FGD5: variants seen among roughly 807,000 people sequenced by gnomAD.
FGD5 encodes FYVE, RhoGEF and PH domain-containing protein 5.
FGD5 carries 28 observed loss-of-function variants against 133.4 expected under a neutral mutation model. The ratio of observed to expected loss-of-function variants is 0.21; its 90% CI spans 0.16 to 0.29. The LOEUF (loss-of-function observed/expected upper bound fraction) is 0.29. FGD5 is among the 10% of genes least tolerant of loss of function. FGD5 has a pLI of 1.00. For synonymous variants in FGD5, 810 were observed against 776.5 expected (o/e 1.04, Z -0.72); for missense variants, 1,858 against 1,895.2 (o/e 0.98, Z 0.36).
chr3:14,864,288 G>A lies in FGD5; in HGVS notation c.2658+28G>A, dbSNP rs374084696. On this transcript the variant is annotated intron_variant, in intron 2 of 19. Coordinates refer to ENST00000285046, the MANE Select transcript of FGD5 (RefSeq NM_152536.4). ...AGGGCACCCCACAGGTAGGCCGTGG[G>A]CATCGGAGACGTGAGGGTGGAGAGA... 1.7e-5 allele frequency: 28 copies of A among 1,613,482 alleles called. No individual in the cohort carries two copies. The African/African-American group carries it at 3.6e-4, about 21-fold the overall frequency.
intron 4 of FGD5, among the ~76,000 whole-genome samples, chr3:14,894,633 A>T (rs1379712383): frequency 2.0e-5 from 3 of 148,646 alleles, no homozygotes; most frequent in African/African-American, 7.5e-5. Flanking sequence ...CTCCTGCCTC[A>T]GCTTCTTGAG....
intron 1 of FGD5, among the ~76,000 whole-genome samples, chr3:14,854,243 G>A (rs1025162390): frequency 4.0e-5 from 6 of 151,852 alleles, no homozygotes; most frequent in Non-Finnish European, 7.4e-5. Flanking sequence ...CCCTTTTCCC[G>A]TTTTCCCAGA....
intron 2 of FGD5, among the ~76,000 whole-genome samples, chr3:14,872,711 G>A (rs550289496): frequency 2.0e-5 from 3 of 152,344 alleles, no homozygotes; most frequent in African/African-American, 4.8e-5. Flanking sequence ...AAGCTGGGGC[G>A]GCATGAAGGC....
intron 1 of FGD5, among the ~76,000 whole-genome samples, chr3:14,847,165 G>A (rs1165557951): frequency 6.6e-6 from 1 of 152,170 alleles, no homozygotes; most frequent in Admixed American, 6.5e-5. Context: ...TCGAAGATGA[G>A]TTTTTGTGAC....
At chr3:14,829,176 C>T (rs1042702557) in intron 1 of FGD5, among the ~76,000 whole-genome samples, 4 of 151,984 alleles carry the variant, frequency 2.6e-5, no homozygotes, top group African/African-American at 7.3e-5. Flanking sequence ...TCTGGAGAGT[C>T]GAAAGGATCT....
chr3:14,844,426 G>A (rs1486424451), intron 1 of FGD5, among the ~76,000 whole-genome samples: 5 of 150,182 alleles, frequency 3.3e-5, no homozygotes, highest in South Asian at 2.1e-4. Context: ...AACTAGCTGC[G>A]TGGAAAAGTC....
At chr3:14,844,217 A>AAAAAAAAAATAT (rs1559477363) in intron 1 of FGD5, among the ~76,000 whole-genome samples, 1 of 20,380 alleles carries the variant, frequency 4.9e-5, no homozygotes, top group Non-Finnish European at 8.5e-5. Context: ...AAAAAAAAAA[A>AAAAAAAAAATAT]ATATATATAT....
intron 2 of FGD5, among the ~76,000 whole-genome samples, chr3:14,874,005 A>G (rs2636753): frequency 0.15 from 21,038 of 138,504 alleles, 1,309 homozygotes; most frequent in East Asian, 0.39. Context: ...TACAGGTGTG[A>G]GCCACTGCGC....
intron 16 of FGD5, 200 bp downstream of exon 16, chr3:14,923,375 G>T: frequency 2.9e-6 from 2 of 693,116 alleles, no homozygotes; most frequent in Non-Finnish European, 4.7e-6. Context: ...GGTGTCCCCA[G>T]AAGAAGAGCT....
chr3:14,812,387 G>T (rs116517783), intron 1 of FGD5, among the ~76,000 whole-genome samples: 1,747 of 152,230 alleles, frequency 0.011, 32 homozygotes, highest in African/African-American at 0.039. Context: ...AATAAAACTC[G>T]CTTTATAACA....
intron 11 of FGD5, among the ~76,000 whole-genome samples, chr3:14,911,907 CAT>C (rs2038456439): frequency 6.6e-6 from 1 of 151,398 alleles, no homozygotes; most frequent in African/African-American, 2.4e-5. Context: ...CTCAGTGTTT[CAT>C]ATGTTTTCTG....
chr3:14,828,720 G>A (rs752186193), intron 1 of FGD5, among the ~76,000 whole-genome samples: 7 of 152,120 alleles, frequency 4.6e-5, no homozygotes, highest in Admixed American at 4.6e-4. Flanking sequence ...TAGAGCCTAG[G>A]GTGATAAAGT....
At position 14,908,945 on chromosome 3, in the gene FGD5, TATTTATTC is replaced by T. The variant is rs1333434298; in HGVS notation, c.3336+1238_3336+1245del. On this transcript the variant is annotated intron_variant, in intron 10 of 19. Coordinates refer to ENST00000285046, the MANE Select transcript of FGD5 (RefSeq NM_152536.4). ...GAATTTATTTATTTATTTATTTATT[TATTTATTC>T]ATTCATTCATTCATTCATCCATTCA... Among the ~76,000 whole-genome samples the T allele has an allele frequency of 3.4e-4, 49 of 143,448 alleles. 1 individual carries two copies. The highest frequency in any genetic ancestry group is 1.1e-3 in the African/African-American group (46 of 40,656). The allele number at this position is 143,448 out of a possible 152,430, so 94.1% of individuals were successfully genotyped here. A position where few individuals can be genotyped will look rare whatever the true frequency, so the allele number is the denominator to read the frequency against.
chr3:14,879,278 G>A (rs971180405), intron 2 of FGD5, among the ~76,000 whole-genome samples: 1 of 152,198 alleles, frequency 6.6e-6, no homozygotes, highest in Non-Finnish European at 1.5e-5. Context: ...TGCCAGCCAC[G>A]CCTGCACATT....
At chr3:14,851,032 G>A (rs998635591) in intron 1 of FGD5, among the ~76,000 whole-genome samples, 3 of 152,172 alleles carry the variant, frequency 2.0e-5, no homozygotes, top group Non-Finnish European at 2.9e-5. Flanking sequence ...AGGGCTTCTA[G>A]TTCTAGTTCT....
chr3:14,850,067 G>T (rs1042601865), intron 1 of FGD5, among the ~76,000 whole-genome samples: 2 of 152,232 alleles, frequency 1.3e-5, no homozygotes, highest in Non-Finnish European at 2.9e-5. Context: ...ATCTCCAGCT[G>T]CTGCATCCTC....
At chr3:14,836,482 G>A (rs1271575475) in intron 1 of FGD5, among the ~76,000 whole-genome samples, 1 of 152,218 alleles carries the variant, frequency 6.6e-6, no homozygotes, top group Non-Finnish European at 1.5e-5. Context: ...GACTCCAGGA[G>A]GCCCTGAGGT....
chr3:14,870,539 C>T (rs1342156528), intron 2 of FGD5, among the ~76,000 whole-genome samples: 3 of 152,180 alleles, frequency 2.0e-5, no homozygotes, highest in Non-Finnish European at 2.9e-5. Flanking sequence ...CCTGACAGTC[C>T]TCTCCTGGTT....
chr3:14,849,851 C>T (rs1344509912), intron 1 of FGD5, among the ~76,000 whole-genome samples: 1 of 151,880 alleles, frequency 6.6e-6, no homozygotes, highest in Admixed American at 6.6e-5. Flanking sequence ...CTTAGTAAGC[C>T]CTAAAAAAAA....
Sources: gnomAD v4.1 joint callset for allele counts (sites outside exome capture counted in the v4.1 genomes callset) on GRCh38, gnomAD v4.1.1 for gene constraint, MANE v1.5 for transcripts, NCBI Gene and HGNC (gene_info 2026-07-23, HGNC 2026-07-21) for gene names.